CDK14: variants seen among roughly 807,000 people sequenced by gnomAD.
CDK14 encodes cyclin dependent kinase 14.
Under a neutral mutation model 60.7 loss-of-function variants are expected in CDK14, and 34 were observed. The observed-to-expected ratio is 0.56, with a 90% confidence interval of 0.43 to 0.75. The LOEUF (loss-of-function observed/expected upper bound fraction) is 0.75. CDK14 is among the 30% of genes least tolerant of loss of function. The pLI is 0.00. For missense variants in CDK14, 482 were observed against 564.1 expected, an observed-to-expected ratio of 0.85 and a Z score of 1.47; for synonymous variants, 197 against 203.7, an observed-to-expected ratio of 0.97 and a Z score of 0.28.
intron 3 of CDK14, among the ~76,000 whole-genome samples, chr7:90,732,289 G>C (rs778341267): frequency 5.9e-5 from 9 of 152,126 alleles, no homozygotes; most frequent in Non-Finnish European, 1.0e-4. Context: ...AGGGATATTG[G>C]CTTGAAATTT....
chr7:91,163,151 T>C (rs1057033821), intron 14 of CDK14, among the ~76,000 whole-genome samples: 2 of 152,226 alleles, frequency 1.3e-5, no homozygotes, highest in Non-Finnish European at 2.9e-5. Context: ...TTAAATGTGT[T>C]GTACAAGCTT....
At chr7:90,699,981 T>G (rs918257677) in intron 2 of CDK14, among the ~76,000 whole-genome samples, 146 of 152,250 alleles carry the variant, frequency 9.6e-4, no homozygotes, top group African/African-American at 3.4e-3. Context: ...GAATAAATAT[T>G]GGGGAGAGGA....
intron 10 of CDK14, among the ~76,000 whole-genome samples, chr7:91,018,513 C>CT (rs1367642498): frequency 6.6e-6 from 1 of 152,178 alleles, no homozygotes; most frequent in Non-Finnish European, 1.5e-5. Flanking sequence ...GGGGAAAACT[C>CT]TATCTCCTCA....
chr7:91,045,262 C>T (rs1306008689), intron 10 of CDK14, among the ~76,000 whole-genome samples: 1 of 152,090 alleles, frequency 6.6e-6, no homozygotes, highest in African/African-American at 2.4e-5. Flanking sequence ...CCCATTAGTT[C>T]CTTTCCCCAG....
intron 14 of CDK14, among the ~76,000 whole-genome samples, chr7:91,196,944 A>C (rs750495641): frequency 2.6e-5 from 4 of 152,148 alleles, no homozygotes; most frequent in Non-Finnish European, 4.4e-5. Context: ...GTGTCACTAT[A>C]CTTTTCATTT....
chr7:90,853,993 C>A (rs184077588), intron 5 of CDK14, among the ~76,000 whole-genome samples: 8 of 152,250 alleles, frequency 5.3e-5, no homozygotes, highest in Non-Finnish European at 1.2e-4. Context: ...GCAGAACTAC[C>A]TTGTTTTGTG....
chr7:91,043,711 A>G (rs916406343), intron 10 of CDK14, among the ~76,000 whole-genome samples: 5 of 114,040 alleles, frequency 4.4e-5, no homozygotes, highest in African/African-American at 6.6e-5. Context: ...GTGTAGATCT[A>G]TCTATTGATG....
intron 10 of CDK14, among the ~76,000 whole-genome samples, chr7:91,025,384 G>GAA (rs1477154856): frequency 1.3e-5 from 2 of 152,060 alleles, no homozygotes; most frequent in Non-Finnish European, 2.9e-5. Flanking sequence ...GCATCTTGGG[G>GAA]AAACCTAGCT....
At chr7:91,165,770 C>A (rs1436047022) in intron 14 of CDK14, among the ~76,000 whole-genome samples, 1 of 152,144 alleles carries the variant, frequency 6.6e-6, no homozygotes, top group African/African-American at 2.4e-5. Context: ...AAATGTCAAA[C>A]CCTCTGCATT....
rs537962571 is a variant in CDK14, at chr7:90,809,811, G to A, written c.544+19159G>A. Among the ~76,000 whole-genome samples the A allele has an allele frequency of 1.5e-4, 23 of 152,212 alleles. No homozygotes were observed. In the South Asian group the frequency reaches 4.4e-3, roughly 29 times the overall value. On this transcript the variant is annotated intron_variant, in intron 5 of 14. Transcript: ENST00000380050. ...ATATCACCACCAATCCCACAGAAAT[G>A]CAGACTACCATCAGAGAATACTATG... is the stretch of plus-strand genomic sequence containing the variant.
chr7:90,646,751 G>A (rs1055053188), intron 2 of CDK14, among the ~76,000 whole-genome samples: 7 of 152,012 alleles, frequency 4.6e-5, no homozygotes, highest in African/African-American at 1.4e-4. Context: ...CTGTTCATAG[G>A]TTGCATGCTA....
At chr7:90,976,759 G>T (rs1414582699) in intron 9 of CDK14, among the ~76,000 whole-genome samples, 1 of 152,084 alleles carries the variant, frequency 6.6e-6, no homozygotes, top group Non-Finnish European at 1.5e-5. Context: ...TGTCATACAA[G>T]TAGTTTGCAA....
chr7:90,599,610 C>A (rs1461376058), intron 1 of CDK14, among the ~76,000 whole-genome samples: 1 of 152,188 alleles, frequency 6.6e-6, no homozygotes, highest in Admixed American at 6.5e-5. Context: ...CTTGCAATTT[C>A]TGTTTATACC....
intron 12 of CDK14, among the ~76,000 whole-genome samples, chr7:91,087,761 A>G (rs1798681795): frequency 6.6e-6 from 1 of 152,086 alleles, no homozygotes; most frequent in East Asian, 1.9e-4. Flanking sequence ...ATCTTCTGGA[A>G]TATTCTTTTT....
intron 14 of CDK14, among the ~76,000 whole-genome samples, chr7:91,196,606 C>A (rs534041217): frequency 1.3e-5 from 2 of 152,352 alleles, no homozygotes; most frequent in East Asian, 3.9e-4. Flanking sequence ...CCATGCCACA[C>A]TGCACAGGCA....
intron 4 of CDK14, among the ~76,000 whole-genome samples, chr7:90,777,447 G>A (rs1805096058): frequency 6.6e-6 from 1 of 152,234 alleles, no homozygotes. Flanking sequence ...GTTGGAACCT[G>A]AAGGTTTAAC....
intron 11 of CDK14, among the ~76,000 whole-genome samples, chr7:91,062,179 G>T (rs1178703345): frequency 6.6e-6 from 1 of 152,140 alleles, no homozygotes. Flanking sequence ...GAGGCTCCAT[G>T]GGCTTAGGAC....
chr7:91,147,745 C>A (rs563766860), intron 14 of CDK14, among the ~76,000 whole-genome samples: 19 of 152,260 alleles, frequency 1.2e-4, no homozygotes, highest in South Asian at 1.2e-3. Context: ...CCCCCTCCCC[C>A]CCATTAAAGC....
intron 2 of CDK14, among the ~76,000 whole-genome samples, chr7:90,629,815 C>T (rs1478995792): frequency 6.6e-6 from 1 of 152,024 alleles, no homozygotes; most frequent in Non-Finnish European, 1.5e-5. Context: ...TCACTTGAGG[C>T]CGGGAGTTGG....
Sources: allele counts gnomAD v4.1 joint callset (sites outside exome capture counted in the v4.1 genomes callset), GRCh38; gene constraint gnomAD v4.1.1; transcripts MANE v1.5; gene names NCBI Gene and HGNC (gene_info 2026-07-23, HGNC 2026-07-21).